Variants in SMIM31 observed in about 807,000 individuals in gnomAD.
The protein encoded by SMIM31 is small integral membrane protein 31.
chr4:164,792,536 AAAATTTGTCT>A (rs1169023115), intron 2 of SMIM31, among the ~76,000 whole-genome samples: 1 of 152,232 alleles, frequency 6.6e-6, no homozygotes, highest in Non-Finnish European at 1.5e-5. Flanking sequence ...GAAATTTGCC[AAAATTTGTCT>A]AAATTTTATA....
At chr4:164,796,082 A>C (rs1733191651) in intron 2 of SMIM31, among the ~76,000 whole-genome samples, 1 of 152,186 alleles carries the variant, frequency 6.6e-6, no homozygotes, top group Non-Finnish European at 1.5e-5. Flanking sequence ...TTAATGCTTG[A>C]ATTTGCTTAC....
intron 2 of SMIM31, among the ~76,000 whole-genome samples, chr4:164,772,339 C>A (rs913395703): frequency 6.6e-6 from 1 of 152,106 alleles, no homozygotes; most frequent in Non-Finnish European, 1.5e-5. Context: ...AGAAACTGCC[C>A]CCACGATCCA....
At chr4:164,761,902 G>A (rs976272992) in intron 1 of SMIM31, among the ~76,000 whole-genome samples, 3 of 151,570 alleles carry the variant, frequency 2.0e-5, no homozygotes, top group Admixed American at 6.6e-5. Context: ...TAGCCTGGGC[G>A]ACAGAGCAAG....
At chr4:164,774,026 C>T (rs933504696) in intron 2 of SMIM31, among the ~76,000 whole-genome samples, 20 of 151,894 alleles carry the variant, frequency 1.3e-4, no homozygotes, top group East Asian at 3.9e-4. Context: ...ATTAGCCAGG[C>T]GTGGTGGCGG....
intron 2 of SMIM31, among the ~76,000 whole-genome samples, chr4:164,797,318 A>G (rs72695818): frequency 0.021 from 3,133 of 152,224 alleles, 40 homozygotes; most frequent in Non-Finnish European, 0.035. Flanking sequence ...GCAAGAAGGT[A>G]AACTTGGGGA....
intron 2 of SMIM31, among the ~76,000 whole-genome samples, chr4:164,785,908 C>T (rs1025856132): frequency 6.6e-5 from 10 of 152,110 alleles, no homozygotes; most frequent in Non-Finnish European, 1.5e-4. Context: ...ATCCTCGGAG[C>T]TCCCTAAATC....
chr4:164,757,320 CT>C (rs1195434650), intron 1 of SMIM31, among the ~76,000 whole-genome samples: 1 of 152,092 alleles, frequency 6.6e-6, no homozygotes, highest in Non-Finnish European at 1.5e-5. Flanking sequence ...GATACAAGTT[CT>C]TCGTCAAATA....
intron 2 of SMIM31, among the ~76,000 whole-genome samples, chr4:164,771,391 C>T (rs1732799688): frequency 6.6e-6 from 1 of 152,096 alleles, no homozygotes; most frequent in African/African-American, 2.4e-5. Flanking sequence ...TAATGTATTT[C>T]CCTCACCAGG....
chr4:164,766,436 A>G (rs573759018), intron 1 of SMIM31, among the ~76,000 whole-genome samples: 25 of 152,252 alleles, frequency 1.6e-4, no homozygotes, highest in Non-Finnish European at 3.4e-4. Context: ...TCTAAGCCCT[A>G]TAGGTACGGA....
intron 2 of SMIM31, among the ~76,000 whole-genome samples, chr4:164,792,783 T>C (rs1446791569): frequency 6.6e-6 from 1 of 152,082 alleles, no homozygotes; most frequent in East Asian, 1.9e-4. Flanking sequence ...ATCATAAAAT[T>C]CATATAGAAT....
At chr4:164,771,252 G>A (rs1732798018) in intron 2 of SMIM31, among the ~76,000 whole-genome samples, 1 of 152,186 alleles carries the variant, frequency 6.6e-6, no homozygotes, top group South Asian at 2.1e-4. Context: ...CTGACTTGCA[G>A]ATTGCGAAAC....
At chr4:164,791,364 G>A (rs1222604181) in intron 2 of SMIM31, among the ~76,000 whole-genome samples, 1 of 152,032 alleles carries the variant, frequency 6.6e-6, no homozygotes, top group African/African-American at 2.4e-5. Flanking sequence ...ACAGGGTCTG[G>A]CTCTGTTGCC....
At chr4:164,772,671 C>T (rs1022725105) in intron 2 of SMIM31, among the ~76,000 whole-genome samples, 8 of 151,426 alleles carry the variant, frequency 5.3e-5, no homozygotes, top group Admixed American at 1.3e-4. Context: ...CTCCGCCTCC[C>T]GGGTTCACGC....
intron 2 of SMIM31, among the ~76,000 whole-genome samples, chr4:164,784,642 A>G (rs1308365310): frequency 6.6e-6 from 1 of 152,176 alleles, no homozygotes; most frequent in Non-Finnish European, 1.5e-5. Context: ...TTTGCTTCCT[A>G]CAGTGCTGAA....
intron 1 of SMIM31, among the ~76,000 whole-genome samples, chr4:164,765,878 A>G (rs987965553): frequency 6.6e-6 from 1 of 152,180 alleles, no homozygotes; most frequent in Non-Finnish European, 1.5e-5. Flanking sequence ...TTACTCTGGC[A>G]GATTTTTCTT....
At chr4:164,795,558 CAAAAAAAA>C (rs60083689) in intron 2 of SMIM31, among the ~76,000 whole-genome samples, 1 of 76,956 alleles carries the variant, frequency 1.3e-5, no homozygotes, top group African/African-American at 5.4e-5. Flanking sequence ...TACTCCATCT[CAAAAAAAA>C]AAAAAAAAAA....
intron 1 of SMIM31, among the ~76,000 whole-genome samples, chr4:164,767,124 A>C (rs1176361221): frequency 6.6e-6 from 1 of 152,186 alleles, no homozygotes; most frequent in Non-Finnish European, 1.5e-5. Flanking sequence ...TTTTACTCCA[A>C]GGGAAGCCAT....
chr4:164,790,194 T>C (rs1482815674), intron 2 of SMIM31, among the ~76,000 whole-genome samples: 4 of 152,172 alleles, frequency 2.6e-5, no homozygotes, highest in African/African-American at 9.7e-5. Flanking sequence ...TTAAAAACTA[T>C]ACATGAAATG....
At chr4:164,784,519 G>A (rs1439977712) in intron 2 of SMIM31, among the ~76,000 whole-genome samples, 1 of 152,170 alleles carries the variant, frequency 6.6e-6, no homozygotes, top group African/African-American at 2.4e-5. Flanking sequence ...AGTATATAAT[G>A]AATTTTGTAT....
Sources: gnomAD v4.1 joint callset for allele counts (sites outside exome capture counted in the v4.1 genomes callset) on GRCh38, gnomAD v4.1.1 for gene constraint, MANE v1.5 for transcripts, NCBI Gene and HGNC (gene_info 2026-07-23, HGNC 2026-07-21) for gene names.